HDAC4: variants seen among roughly 807,000 people sequenced by gnomAD.
HDAC4 encodes histone deacetylase A.
HDAC4 carries 16 observed loss-of-function variants against 135.1 expected under a neutral mutation model. The ratio of observed to expected loss-of-function variants is 0.12; its 90% CI spans 0.08 to 0.18. The LOEUF (loss-of-function observed/expected upper bound fraction) is 0.18. HDAC4 is among the 10% of genes least tolerant of loss of function. The pLI, the probability that HDAC4 is intolerant of heterozygous loss-of-function variation, is 1.00. For synonymous variants in HDAC4, 685 were observed against 653.4 expected, an observed-to-expected ratio of 1.05 and a Z score of -0.74; for missense variants, 1,143 against 1,511.8, an observed-to-expected ratio of 0.76 and a Z score of 4.05.
At chr2:239,332,356 C>T (rs1281358514) in intron 2 of HDAC4, among the ~76,000 whole-genome samples, 1 of 152,010 alleles carries the variant, frequency 6.6e-6, no homozygotes, top group Non-Finnish European at 1.5e-5. Context: ...AAGCAAAATT[C>T]AAAGAATTTC....
intron 2 of HDAC4, among the ~76,000 whole-genome samples, chr2:239,284,500 G>A (rs2051020077): frequency 6.6e-6 from 1 of 152,202 alleles, no homozygotes; most frequent in South Asian, 2.1e-4. Context: ...CGTAGTCAGG[G>A]GTGACCCTGA....
chr2:239,228,456 C>T (rs1401741150), intron 3 of HDAC4, among the ~76,000 whole-genome samples: 2 of 152,102 alleles, frequency 1.3e-5, no homozygotes, highest in East Asian at 1.9e-4. Flanking sequence ...AGGCTGTGTA[C>T]GCCACGTGAA....
chr2:239,275,411 T>A (rs2050299249), intron 2 of HDAC4, among the ~76,000 whole-genome samples: 1 of 152,222 alleles, frequency 6.6e-6, no homozygotes, highest in Non-Finnish European at 1.5e-5. Context: ...ACTTGCTGAT[T>A]CACCAAGAAA....
chr2:239,242,719 C>G (rs1028496116), intron 2 of HDAC4, among the ~76,000 whole-genome samples: 17 of 152,118 alleles, frequency 1.1e-4, no homozygotes, highest in African/African-American at 4.1e-4. Context: ...TCTGATCTTA[C>G]GAAGGATATT....
rs369258178 is a variant in HDAC4, at chr2:239,048,313, AACAAG to A, written c.*4779_*4783del. On this transcript the variant is annotated 3_prime_UTR_variant, in exon 27 of 27. Coordinates refer to ENST00000543185, the MANE Select transcript of HDAC4 (RefSeq NM_001378414.1). ...GGTCGGTGAAAATCCACCCACACAAAACAAGACAAGAATGAGAAAACCAAACACAA... is the reference window on the plus strand; with the variant it reads ...GGTCGGTGAAAATCCACCCACACAAAACAAGAATGAGAAAACCAAACACAA... 6 of 152,468 alleles carry A rather than the reference AACAAG, an allele frequency of 3.9e-5. No homozygotes were observed. The highest frequency in any genetic ancestry group is 5.9e-5 in the Non-Finnish European group (4 of 68,086). 9.4% of individuals were successfully genotyped at this position (152,468 alleles called of 1,614,324 possible).
intron 2 of HDAC4, among the ~76,000 whole-genome samples, chr2:239,350,731 T>C (rs901573180): frequency 6.6e-6 from 1 of 152,198 alleles, no homozygotes. Flanking sequence ...CTCAATCTCT[T>C]GACCTTGTGA....
At chr2:239,133,535 C>T (rs186814692) in intron 11 of HDAC4, among the ~76,000 whole-genome samples, 25 of 152,342 alleles carry the variant, frequency 1.6e-4, no homozygotes, top group Admixed American at 1.1e-3. Flanking sequence ...GCCACCATCT[C>T]GGGTCACTAT....
Position 239,337,239 on chromosome 2 carries a change from C to T in HDAC4, c.22+15439G>A, listed in dbSNP as rs113540979. On this transcript the variant is annotated intron_variant, in intron 2 of 26. Coordinates refer to ENST00000543185, the MANE Select transcript of HDAC4 (RefSeq NM_001378414.1). ...AGGGAGTGGAGGAAATGGCAAGGCT[C>T]GGAGACACTGCTGTCAGATGCACGT... 6.6e-5 allele frequency among the ~76,000 whole-genome samples: 10 copies of T among 152,282 alleles called. 1 individual carries two copies. The highest frequency in any genetic ancestry group is 2.4e-4 in the African/African-American group (10 of 41,544).
chr2:239,222,295 A>AT (rs1297466941), intron 3 of HDAC4, among the ~76,000 whole-genome samples: 6 of 152,046 alleles, frequency 3.9e-5, no homozygotes, highest in Admixed American at 1.3e-4. Context: ...CAAGTGTTAG[A>AT]TTTTTTCCCT....
At chr2:239,124,987 G>C (rs1000719795) in intron 12 of HDAC4, among the ~76,000 whole-genome samples, 1 of 150,006 alleles carries the variant, frequency 6.7e-6, no homozygotes, top group African/African-American at 2.4e-5. Context: ...GTGTGGCCGC[G>C]TTATATGACA....
rs548248389 is a variant in HDAC4, at chr2:239,179,122, C to T, written c.340-2559G>A. Among the ~76,000 whole-genome samples the T allele has an allele frequency of 4.0e-5, 6 of 149,750 alleles. No individual in the cohort carries two copies. The South Asian group carries it at 8.6e-4, about 21-fold the overall frequency. ...TGGGGAGTGCGTGCGAGGCAGCCAC[C>T]GGACGCCTGAGGCATAGAGTGGGGT... On this transcript the variant is annotated intron_variant, in intron 4 of 26. Transcript: ENST00000543185.
At chr2:239,277,620 C>T (rs553616116) in intron 2 of HDAC4, among the ~76,000 whole-genome samples, 19 of 152,324 alleles carry the variant, frequency 1.2e-4, no homozygotes, top group African/African-American at 3.4e-4. Flanking sequence ...CACGCATCCC[C>T]GGAACCAGTG....
At chr2:239,150,541 C>T (rs111500371) in intron 7 of HDAC4, among the ~76,000 whole-genome samples, 6,350 of 147,592 alleles carry the variant, frequency 0.043, 665 homozygotes, top group African/African-American at 0.16. Context: ...AGCAGGAAGT[C>T]TCACCACGCT....
intron 2 of HDAC4, among the ~76,000 whole-genome samples, chr2:239,346,162 ACACT>A (rs1041888695): frequency 6.6e-6 from 1 of 151,712 alleles, no homozygotes; most frequent in Admixed American, 6.6e-5. Flanking sequence ...CACCCAACAC[ACACT>A]GTCTAAAACA....
At chr2:239,067,750 G>T (rs1010104230) in intron 23 of HDAC4, among the ~76,000 whole-genome samples, 1 of 152,320 alleles carries the variant, frequency 6.6e-6, no homozygotes, top group Non-Finnish European at 1.5e-5. Flanking sequence ...CCCTCCCCAC[G>T]CAAGGACCTG....
rs192229629 is a variant in HDAC4, at chr2:239,350,934, C to G, written c.22+1744G>C. 3.3e-5 allele frequency among the ~76,000 whole-genome samples: 5 copies of G among 152,332 alleles called. No homozygotes were observed. In the East Asian group the frequency reaches 9.6e-4, roughly 29 times the overall value. On this transcript the variant is annotated intron_variant, in intron 2 of 26. Transcript: ENST00000543185. ...ATGATTATGTGTACACCAAGTCATACAAAAATATGCACCCCCATTAAAATA... is the reference window on the plus strand; with the variant it reads ...ATGATTATGTGTACACCAAGTCATAGAAAAATATGCACCCCCATTAAAATA...
intron 2 of HDAC4, among the ~76,000 whole-genome samples, chr2:239,344,706 C>T (rs892431641): frequency 5.3e-5 from 8 of 152,200 alleles, no homozygotes; most frequent in Non-Finnish European, 1.0e-4. Flanking sequence ...TTCAGACAGG[C>T]GGTGCTGTGC....
At chr2:239,300,435 C>A (rs1166485444) in intron 2 of HDAC4, among the ~76,000 whole-genome samples, 1 of 152,234 alleles carries the variant, frequency 6.6e-6, no homozygotes, top group African/African-American at 2.4e-5. Context: ...AACAGTCAGG[C>A]ATGACCAGTG....
At chr2:239,203,842 G>T (rs1169513987) in intron 3 of HDAC4, among the ~76,000 whole-genome samples, 1 of 152,186 alleles carries the variant, frequency 6.6e-6, no homozygotes, top group Non-Finnish European at 1.5e-5. Context: ...GGAATTATCA[G>T]CTTCAATGGA....
Sources: allele counts gnomAD v4.1 joint callset (sites outside exome capture counted in the v4.1 genomes callset), GRCh38; gene constraint gnomAD v4.1.1; transcripts MANE v1.5; gene names NCBI Gene and HGNC (gene_info 2026-07-23, HGNC 2026-07-21).